KCNC1: variants seen among roughly 807,000 people sequenced by gnomAD.
KCNC1 encodes voltage-gated potassium channel KCNC1.
Under a neutral mutation model 43.4 loss-of-function variants are expected in KCNC1, and 8 were observed. The ratio of observed to expected loss-of-function variants is 0.18; its 90% CI spans 0.11 to 0.33. KCNC1 has a LOEUF of 0.33. Among genes scored for constraint, KCNC1 ranks in the 10% least tolerant of loss-of-function variants. The pLI, the probability that KCNC1 is intolerant of heterozygous loss-of-function variation, is 1.00. For synonymous variants in KCNC1, 361 were observed against 360.5 expected (o/e 1.00, Z -0.01); for missense variants, 420 against 836.0 (o/e 0.50, Z 6.14).
intron 1 of KCNC1, among the ~76,000 whole-genome samples, chr11:17,749,743 C>G (rs1037004078): frequency 2.0e-5 from 3 of 152,224 alleles, no homozygotes; most frequent in Admixed American, 6.5e-5. Flanking sequence ...AGGGTCAGTC[C>G]TATGCAGTGA....
intron 1 of KCNC1, among the ~76,000 whole-genome samples, chr11:17,762,965 C>G (rs750417996): frequency 2.0e-5 from 3 of 152,158 alleles, no homozygotes; most frequent in Non-Finnish European, 4.4e-5. Context: ...AATACCATTC[C>G]GGGATGTGTG....
chr11:17,777,336 C>T lies in KCNC1; in HGVS notation c.1505-2120C>T. The T allele has an allele frequency of 3.0e-6, 3 of 985,910 alleles. No individual in the cohort carries two copies. Among genetic ancestry groups the T allele is most frequent in the Non-Finnish European group, 2.4e-6 (2 of 830,010 alleles). The allele number at this position is 985,910 out of a possible 1,614,324, so 61.1% of individuals were successfully genotyped here. On this transcript the variant is annotated intron_variant, in intron 2 of 3. Coordinates refer to ENST00000265969, the MANE Select transcript of KCNC1 (RefSeq NM_001112741.2). The surrounding 1 kb of genome is among the most constrained non-coding windows in gnomAD (Gnocchi z 4.3). ...CAGAGGATGGCCAACAGAGACTCAG[C>T]AAGTCCTCACTCCCCTCCCAGAAGG... is the stretch of plus-strand genomic sequence containing the variant.
intron 1 of KCNC1, among the ~76,000 whole-genome samples, chr11:17,747,838 C>G (rs557150231): frequency 6.6e-6 from 1 of 152,316 alleles, no homozygotes; most frequent in Admixed American, 6.5e-5. Flanking sequence ...GGCCTGGCAG[C>G]CTGGCTCTGG....
chr11:17,741,394 G>A (rs1590091609), intron 1 of KCNC1, among the ~76,000 whole-genome samples: 1 of 152,120 alleles, frequency 6.6e-6, no homozygotes, highest in Admixed American at 6.5e-5. Context: ...TACAGTAAAT[G>A]CTCAATAAAT....
chr11:17,760,237 T>C (rs1565159174), intron 1 of KCNC1, among the ~76,000 whole-genome samples: 1 of 152,218 alleles, frequency 6.6e-6, no homozygotes, highest in East Asian at 1.9e-4. Flanking sequence ...CCGAGCTCCC[T>C]GGCAGTCAGA....
intron 1 of KCNC1, among the ~76,000 whole-genome samples, chr11:17,740,278 G>C (rs1397088708): frequency 6.6e-6 from 1 of 152,178 alleles, no homozygotes; most frequent in Non-Finnish European, 1.5e-5. Context: ...GTTCTGGGTT[G>C]GGGGGTGGTG....
At position 17,739,141 on chromosome 11, in the gene KCNC1, T is replaced by C. The variant is rs561631657; in HGVS notation, c.570+2569T>C. 1.3e-5 allele frequency among the ~76,000 whole-genome samples: 2 copies of C among 152,152 alleles called. No individual in the cohort carries two copies. Among genetic ancestry groups the C allele is most frequent in the South Asian group, 4.2e-4 (2 of 4,814 alleles). Reference sequence around the variant, plus strand: ...TGTCTTTGCTCTGCCGCCTCTGCTGTCACCTTTGTTTACCCCTCCCCCACA... The same window carrying C: ...TGTCTTTGCTCTGCCGCCTCTGCTGCCACCTTTGTTTACCCCTCCCCCACA... On this transcript the variant is annotated intron_variant, in intron 1 of 3. Coordinates refer to ENST00000265969, the MANE Select transcript of KCNC1 (RefSeq NM_001112741.2). This position sits in a 1 kb window ranked among gnomAD's most constrained non-coding sequence, Gnocchi z 4.2.
intron 1 of KCNC1, among the ~76,000 whole-genome samples, chr11:17,766,778 A>C (rs10444249): frequency 0.56 from 85,037 of 151,678 alleles, 25,210 homozygotes; most frequent in East Asian, 0.88. Context: ...ATTTAGACAC[A>C]ATCAGGGGGC....
intron 1 of KCNC1, among the ~76,000 whole-genome samples, chr11:17,749,187 G>A (rs1482858589): frequency 6.6e-6 from 1 of 152,228 alleles, no homozygotes; most frequent in Non-Finnish European, 1.5e-5. Flanking sequence ...GTCAAGAGGG[G>A]ATAACGAGAG....
rs182957857 is a variant in KCNC1, at chr11:17,781,374, C to T, written c.1694-296C>T. On this transcript the variant is annotated intron_variant, in intron 3 of 3. Coordinates refer to ENST00000265969, the MANE Select transcript of KCNC1 (RefSeq NM_001112741.2). The surrounding 1 kb of genome is among the most constrained non-coding windows in gnomAD (Gnocchi z 5.1). ...TTCGGCCCGCGCTCTCATGGAGCCA[C>T]GACAGCCGCCGAGGACTTGTTTTTC... 2,737 of 368,322 alleles carry T rather than the reference C, an allele frequency of 7.4e-3. 12 individuals carry two copies. The highest frequency in any genetic ancestry group is 0.014 in the Middle Eastern group (19 of 1,370). The allele number at this position is 368,322 out of a possible 1,614,324, so 22.8% of individuals were successfully genotyped here. A position where few individuals can be genotyped will look rare whatever the true frequency, so the allele number is the denominator to read the frequency against.
At chr11:17,768,419 A>G (rs1849178990) in intron 1 of KCNC1, among the ~76,000 whole-genome samples, 1 of 152,176 alleles carries the variant, frequency 6.6e-6, no homozygotes, top group African/African-American at 2.4e-5. Context: ...AAATGAGGCC[A>G]GGACGTGGAG....
Position 17,776,971 on chromosome 11 carries a change from G to A in KCNC1, c.1505-2485G>A, listed in dbSNP as rs1849295122. ...ACCCAATCATTAGTCCCTCCTCAAA[G>A]GTTAGGGTTGAGAGAAGCAGTAGGC... is the stretch of plus-strand genomic sequence containing the variant. On this transcript the variant is annotated intron_variant, in intron 2 of 3. Coordinates refer to ENST00000265969, the MANE Select transcript of KCNC1 (RefSeq NM_001112741.2). The surrounding 1 kb of genome is among the most constrained non-coding windows in gnomAD (Gnocchi z 4.4). The A allele has an allele frequency of 1.2e-5, 12 of 985,466 alleles. No individual in the cohort carries two copies. Among genetic ancestry groups the A allele is most frequent in the South Asian group, 4.7e-5 (1 of 21,278 alleles). The allele number at this position is 985,466 out of a possible 1,614,324, so 61.0% of individuals were successfully genotyped here.
At position 17,739,321 on chromosome 11, in the gene KCNC1, TGA is replaced by T; in HGVS notation, c.570+2754_570+2755del. ...TTGTAAGAGAGATTGTGTGTGAGTG[TGA>T]GAGACTTGTGTGTGTGAGAATAAAT... On this transcript the variant is annotated intron_variant, in intron 1 of 3. Transcript: ENST00000265969. This position sits in a 1 kb window ranked among gnomAD's most constrained non-coding sequence, Gnocchi z 4.2. 6.6e-6 allele frequency among the ~76,000 whole-genome samples: 1 copy of T among 151,810 alleles called. No homozygotes were observed. Among genetic ancestry groups the T allele is most frequent in the East Asian group, 1.9e-4 (1 of 5,174 alleles).
At position 17,735,051 on chromosome 11, in the gene KCNC1, A is replaced by G. The variant is rs1848747333; in HGVS notation, c.-952A>G. On this transcript the variant is annotated 5_prime_UTR_variant, in exon 1 of 4. Transcript: ENST00000265969. This position sits in a 1 kb window ranked among gnomAD's most constrained non-coding sequence, Gnocchi z 6.7. ...GGAGCCAGTGCCCGCCGGCCCCGCA[A>G]ATCAAACCCAGCCAGGAGAACCCCC... 6.6e-6 allele frequency: 1 copy of G among 151,846 alleles called. No homozygotes were observed. The highest frequency in any genetic ancestry group is 1.5e-5 in the Non-Finnish European group (1 of 67,942). 9.4% of individuals were successfully genotyped at this position (151,846 alleles called of 1,614,324 possible).
At chr11:17,774,094 G>A in intron 2 of KCNC1, 1 of 985,570 alleles carries the variant, frequency 1.0e-6, no homozygotes, top group Non-Finnish European at 1.2e-6. Flanking sequence ...TTTGCCCATG[G>A]GGGTTTCCCG....
intron 1 of KCNC1, among the ~76,000 whole-genome samples, chr11:17,756,332 T>C (rs1381396120): frequency 6.6e-6 from 1 of 152,126 alleles, no homozygotes; most frequent in Non-Finnish European, 1.5e-5. Flanking sequence ...TAAATGTCAA[T>C]GTCCCCCTCT....
At chr11:17,774,498 A>T in intron 2 of KCNC1, 5 of 985,528 alleles carry the variant, frequency 5.1e-6, no homozygotes, top group Non-Finnish European at 6.0e-6. Flanking sequence ...CAATGACAGT[A>T]TTATCCTGTG....
In KCNC1 at chr11:17,773,248, TG is replaced by T. The variant is rs1482440394; in HGVS notation, c.1504+651del. 8 of 985,676 alleles carry T rather than the reference TG, an allele frequency of 8.1e-6. No individual in the cohort carries two copies. The highest frequency in any genetic ancestry group is 9.6e-6 in the Non-Finnish European group (8 of 830,124). 61.1% of individuals were successfully genotyped at this position (985,676 alleles called of 1,614,324 possible). A position where few individuals can be genotyped will look rare whatever the true frequency, so the allele number is the denominator to read the frequency against. ...CAAGCTTACTTACCCCATAGCATGC[TG>T]AACCAACTCATCTTCTACCACCACT... On this transcript the variant is annotated intron_variant, in intron 2 of 3. Transcript: ENST00000265969. This position sits in a 1 kb window ranked among gnomAD's most constrained non-coding sequence, Gnocchi z 4.1.
chr11:17,772,603 G>A lies in KCNC1; in HGVS notation c.1504+5G>A, dbSNP rs1212787770. The A allele has an allele frequency of 1.2e-6, 2 of 1,611,388 alleles. No homozygotes were observed. The highest frequency in any genetic ancestry group is 2.2e-5 in the East Asian group (1 of 44,840). On this transcript the variant is annotated splice_donor_5th_base_variant and intron_variant, in intron 2 of 3. Transcript: ENST00000265969. ...TTTTAGAAATTAACAGAGCAGGTAGGAAACCTCTTAGAGGCATGTCGATCT... is the reference window on the plus strand; with the variant it reads ...TTTTAGAAATTAACAGAGCAGGTAGAAAACCTCTTAGAGGCATGTCGATCT...
Sources: allele counts gnomAD v4.1 joint callset (sites outside exome capture counted in the v4.1 genomes callset), GRCh38; gene constraint gnomAD v4.1.1; non-coding constraint Gnocchi (gnomAD v3.1); transcripts MANE v1.5; gene names NCBI Gene and HGNC (gene_info 2026-07-23, HGNC 2026-07-21).